BCR: variants seen among roughly 807,000 people sequenced by gnomAD.
The protein encoded by BCR is breakpoint cluster region protein.
In BCR, 58 loss-of-function variants were observed where a neutral mutation model predicts 138.6. That is an observed-to-expected ratio of 0.42 (90% CI 0.34 to 0.52). The LOEUF (loss-of-function observed/expected upper bound fraction) is 0.52, where lower values mean the gene tolerates loss of function less well. BCR is among the 20% of genes least tolerant of loss of function. The probability of loss-of-function intolerance (pLI) is 0.06; values close to 1 mark genes in which losing one functional copy is unlikely to be tolerated. For synonymous variants in BCR, 786 were observed against 730.1 expected (o/e 1.08, Z -1.23); for missense variants, 1,599 against 1,727.2 (o/e 0.93, Z 1.32).
intron 1 of BCR, among the ~76,000 whole-genome samples, chr22:23,205,642 ATTTT>A (rs112193385): frequency 6.9e-6 from 1 of 144,004 alleles, no homozygotes; most frequent in Non-Finnish European, 1.5e-5. Context: ...TGAACCAATA[ATTTT>A]TTTTTTTTTT....
rs767534953 is a variant in BCR at position 23,253,902 on chromosome 22, C to T, written c.1383C>T (p.Ser461=). The change falls in exon 2 of 23, where the codon TCC becomes TCT. Residue 461 remains serine (S), a synonymous_variant. Transcript: ENST00000305877. ...TGCCCTACATTGATGACTCGCCCTCCTCATCGCCCCACCTCAGCAGCAAGG... is the reference window on the plus strand; with the variant it reads ...TGCCCTACATTGATGACTCGCCCTCTTCATCGCCCCACCTCAGCAGCAAGG... ...DGLPYIDDSP[S]SSPHLSSKGR... is the part of the protein sequence containing the mutation. 1.9e-6 allele frequency: 3 copies of T among 1,613,188 alleles called. No individual in the cohort carries two copies. Among genetic ancestry groups the T allele is most frequent in the Non-Finnish European group, 2.5e-6 (3 of 1,180,020 alleles).
intron 16 of BCR, 59 bp downstream of exon 16, chr22:23,295,214 C>A: frequency 6.3e-7 from 1 of 1,590,150 alleles, no homozygotes; most frequent in Non-Finnish European, 8.6e-7. Context: ...TTCATGCAGC[C>A]CCTGGGGACA....
chr22:23,222,139 C>T (rs2072831834), intron 1 of BCR, among the ~76,000 whole-genome samples: 1 of 152,122 alleles, frequency 6.6e-6, no homozygotes, highest in African/African-American at 2.4e-5. Context: ...CGTCTTCTCA[C>T]CTGTCACTCC....
chr22:23,288,024 G>A (rs559699930), intron 11 of BCR, 73 bp from the exon 12 acceptor site: 10 of 1,423,036 alleles, frequency 7.0e-6, no homozygotes, highest in Admixed American at 6.7e-5. Context: ...GTGCTCTAAG[G>A]TGCCCCGGGC....
At chr22:23,186,368 T>A (rs2072342543) in intron 1 of BCR, among the ~76,000 whole-genome samples, 1 of 152,080 alleles carries the variant, frequency 6.6e-6, no homozygotes, top group Non-Finnish European at 1.5e-5. Context: ...TCTTAACCCT[T>A]TTAAATTGTT....
intron 22 of BCR, 64 bp from the exon 23 acceptor site, chr22:23,315,369 C>T (rs2074058220): frequency 1.3e-6 from 2 of 1,507,064 alleles, no homozygotes; most frequent in South Asian, 2.3e-5. Context: ...CCCCAAAGAC[C>T]TCCCACCAGC....
rs117863337 is a variant in BCR, at chr22:23,229,914, C to T, written c.1280-23885C>T. Among the ~76,000 whole-genome samples the T allele has an allele frequency of 2.6e-3, 394 of 152,214 alleles. 2 individuals are homozygous for T. The highest frequency in any genetic ancestry group is 0.017 in the Middle Eastern group (5 of 294). ...CCACGGGTCTCCACCCCAGGGAGGCCGCTGCTTGCATCTGTGGGGAGAGGA... is the reference window on the plus strand; with the variant it reads ...CCACGGGTCTCCACCCCAGGGAGGCTGCTGCTTGCATCTGTGGGGAGAGGA... On this transcript the variant is annotated intron_variant, in intron 1 of 22. Coordinates refer to ENST00000305877, the MANE Select transcript of BCR (RefSeq NM_004327.4).
chr22:23,299,961 G>T (rs987797521), intron 16 of BCR, among the ~76,000 whole-genome samples: 1 of 152,174 alleles, frequency 6.6e-6, no homozygotes, highest in Non-Finnish European at 1.5e-5. Context: ...ACCATGGGCA[G>T]CCTTTTTATC....
intron 1 of BCR, among the ~76,000 whole-genome samples, chr22:23,227,223 A>G (rs999572030): frequency 6.6e-6 from 1 of 152,194 alleles, no homozygotes; most frequent in African/African-American, 2.4e-5. Flanking sequence ...AATGGTGACT[A>G]CCACCTTCCG....
rs537615008 is a variant in BCR, at chr22:23,235,559, G to A, written c.1280-18240G>A. On this transcript the variant is annotated intron_variant, in intron 1 of 22. Coordinates refer to ENST00000305877, the MANE Select transcript of BCR (RefSeq NM_004327.4). ...TGTTCCACGGCATAATGTGGGGACT[G>A]CAGAGAGGAAGGGACATGTTTATGT... 6.6e-5 allele frequency among the ~76,000 whole-genome samples: 10 copies of A among 150,392 alleles called. No homozygotes were observed. In the East Asian group the frequency reaches 9.7e-4, roughly 15 times the overall value.
chr22:23,216,956 T>C (rs959301261), intron 1 of BCR: 10 of 406,328 alleles, frequency 2.5e-5, no homozygotes, highest in African/African-American at 2.1e-4. Flanking sequence ...TGGTACAGTG[T>C]GTCGCAAGTC....
chr22:23,287,372 C>A (rs2073727777), intron 11 of BCR, 94 bp downstream of exon 11: 5 of 1,435,990 alleles, frequency 3.5e-6, no homozygotes, highest in Non-Finnish European at 4.6e-6. Flanking sequence ...GGATGCGCCC[C>A]ACTCTGAGAG....
At chr22:23,261,614 T>C in intron 4 of BCR, 74 bp downstream of exon 4, 2 of 1,527,688 alleles carry the variant, frequency 1.3e-6, no homozygotes, top group South Asian at 1.1e-5. Context: ...GCATTTTTAG[T>C]AGAGACAGGG....
chr22:23,301,758 G>A (rs1001649645), intron 16 of BCR, among the ~76,000 whole-genome samples: 1 of 152,174 alleles, frequency 6.6e-6, no homozygotes, highest in Non-Finnish European at 1.5e-5. Context: ...TGTTCTTGGG[G>A]ACCCCCCCGC....
intron 12 of BCR, among the ~76,000 whole-genome samples, chr22:23,288,722 T>C (rs2073747592): frequency 6.6e-6 from 1 of 152,224 alleles, no homozygotes; most frequent in Non-Finnish European, 1.5e-5. Flanking sequence ...GGTTGCCCGC[T>C]CTCAGCTCAG....
chr22:23,280,104 C>T (rs1448414641), intron 8 of BCR, among the ~76,000 whole-genome samples: 3 of 152,244 alleles, frequency 2.0e-5, no homozygotes. Flanking sequence ...GGCCCCACCT[C>T]CAGATACCAG....
At chr22:23,300,148 G>A (rs2073888670) in intron 16 of BCR, among the ~76,000 whole-genome samples, 1 of 151,926 alleles carries the variant, frequency 6.6e-6, no homozygotes, top group Non-Finnish European at 1.5e-5. Context: ...CTCTCAAACT[G>A]AAACTCTACA....
At chr22:23,231,553 A>AAAATAAAAT (rs1407391578) in intron 1 of BCR, among the ~76,000 whole-genome samples, 1 of 68,582 alleles carries the variant, frequency 1.5e-5, no homozygotes, top group African/African-American at 5.3e-5. Flanking sequence ...TAAAATAAAT[A>AAAATAAAAT]AAATACCAAC....
chr22:23,181,696 T>C lies in BCR; in HGVS notation c.736T>C (p.Tyr246His). 6.2e-7 allele frequency: 1 copy of C among 1,604,806 alleles called. No homozygotes were observed. The highest frequency in any genetic ancestry group is 2.2e-5 in the East Asian group (1 of 44,868). Residue 246 changes from tyrosine to histidine, a missense_variant, in exon 1 of 23, where the codon TAC (tyrosine) becomes CAC (histidine). By Grantham distance (83) the Tyr-to-His change is moderately conservative. Coordinates refer to ENST00000305877, the MANE Select transcript of BCR (RefSeq NM_004327.4). Reference protein sequence around the residue: ...SESSCGVDGDYEDAELNPRFL... With the variant: ...SESSCGVDGDHEDAELNPRFL... The stretch of plus-strand genomic sequence containing the variant: ...GAGCAGCTGCGGCGTCGACGGCGAC[T>C]ACGAGGACGCCGAGTTGAACCCCCG...
Sources: allele counts gnomAD v4.1 joint callset (sites outside exome capture counted in the v4.1 genomes callset), GRCh38; gene constraint gnomAD v4.1.1; transcripts MANE v1.5; gene names NCBI Gene and HGNC (gene_info 2026-07-23, HGNC 2026-07-21).